Variants in NTRK3 observed in about 807,000 individuals in gnomAD.
NTRK3 encodes neurotrophic receptor tyrosine kinase 3, also known as NT-3 growth factor receptor.
In NTRK3, 24 loss-of-function variants were observed where a neutral mutation model predicts 91.7. The observed-to-expected ratio is 0.26, with a 90% CI of 0.19 to 0.37. The LOEUF is 0.37. Ranked by LOEUF, NTRK3 falls within the 10% of genes least tolerant of loss-of-function variation. NTRK3 has a pLI of 1.00. For synonymous variants in NTRK3, 483 were observed against 404.0 expected, an observed-to-expected ratio of 1.20 and a Z score of -2.34; for missense variants, 880 against 1,068.9, an observed-to-expected ratio of 0.82 and a Z score of 2.46.
At chr15:87,922,258 G>A (rs1175160387) in intron 17 of NTRK3, among the ~76,000 whole-genome samples, 2 of 152,194 alleles carry the variant, frequency 1.3e-5, no homozygotes, top group Non-Finnish European at 2.9e-5. Flanking sequence ...AGAACTCACT[G>A]GTCAAAAAGA....
At chr15:87,927,569 A>C (rs1043962853) in intron 17 of NTRK3, 2 of 152,096 alleles carry the variant, frequency 1.3e-5, no homozygotes, top group East Asian at 3.9e-4. Flanking sequence ...GTACCCCCCA[A>C]ATTCATATGT....
rs186894753 is a variant in NTRK3 at position 87,872,374 on chromosome 15, T to G, written c.*4561A>C. 3 of 224,854 alleles carry G rather than the reference T, an allele frequency of 1.3e-5. No homozygotes were observed. In the East Asian group the frequency reaches 1.9e-4, roughly 14 times the overall value. The allele number at this position is 224,854 out of a possible 1,614,324, so 13.9% of individuals were successfully genotyped here. Reference sequence around the variant, plus strand: ...AGTCATTCCTGAATAGAAAAGGACTTTGGTGAATAGTCTGCAACTTAAGAC... The same window carrying G: ...AGTCATTCCTGAATAGAAAAGGACTGTGGTGAATAGTCTGCAACTTAAGAC... On this transcript the variant is annotated 3_prime_UTR_variant, in exon 19 of 19. Coordinates refer to ENST00000394480, the Ensembl canonical transcript of NTRK3.
chr15:87,888,250 A>G (rs1423120404), intron 17 of NTRK3, among the ~76,000 whole-genome samples: 1 of 152,176 alleles, frequency 6.6e-6, no homozygotes, highest in Non-Finnish European at 1.5e-5. Context: ...TGCATTATTA[A>G]GACCGTTTCT....
At chr15:87,889,396 C>CTTTTTTTTTTTTTTTTTTT (rs568030482) in intron 17 of NTRK3, among the ~76,000 whole-genome samples, 2 of 95,630 alleles carry the variant, frequency 2.1e-5, no homozygotes, top group Admixed American at 1.3e-4. Flanking sequence ...TTATTAGTTC[C>CTTTTTTTTTTTTTTTTTTT]TTTTTTTTTT....
chr15:88,175,351 A>C (rs2045899060), intron 5 of NTRK3, among the ~76,000 whole-genome samples: 1 of 151,866 alleles, frequency 6.6e-6, no homozygotes, highest in African/African-American at 2.4e-5. Context: ...AGCATCTTCT[A>C]AGAAGGAACA....
chr15:88,019,377 C>T (rs1209367579), intron 14 of NTRK3, among the ~76,000 whole-genome samples: 1 of 152,224 alleles, frequency 6.6e-6, no homozygotes, highest in Non-Finnish European at 1.5e-5. Flanking sequence ...CTTCCTGTTT[C>T]TTGCTAACAG....
intron 14 of NTRK3, among the ~76,000 whole-genome samples, chr15:88,009,040 A>G (rs1402597445): frequency 6.6e-6 from 1 of 152,180 alleles, no homozygotes; most frequent in African/African-American, 2.4e-5. Flanking sequence ...GGGGACCTCT[A>G]GTTGAGAAGG....
exon 19 of NTRK3, chr15:87,870,892 G>C (rs983024648): frequency 7.4e-5 from 17 of 228,420 alleles, no homozygotes; most frequent in Middle Eastern, 2.6e-3. Flanking sequence ...CTATGAATGT[G>C]GGTCACGACA....
At chr15:88,149,533 C>T (rs571708727) in intron 5 of NTRK3, among the ~76,000 whole-genome samples, 1 of 152,342 alleles carries the variant, frequency 6.6e-6, no homozygotes, top group South Asian at 2.1e-4. Flanking sequence ...CCTAAGCCAT[C>T]CATCATGCTC....
exon 19 of NTRK3, chr15:87,873,517 G>T (rs1054724559): frequency 2.6e-5 from 6 of 231,706 alleles, no homozygotes; most frequent in Non-Finnish European, 4.3e-5. Context: ...GACCAGCCTG[G>T]GTGCCCTGGA....
intron 17 of NTRK3, among the ~76,000 whole-genome samples, chr15:87,912,617 AT>A (rs2067153045): frequency 6.8e-6 from 1 of 147,634 alleles, no homozygotes; most frequent in Non-Finnish European, 1.5e-5. Context: ...CTTGAGGGAC[AT>A]CTGCTCTCTC....
intron 14 of NTRK3, among the ~76,000 whole-genome samples, chr15:88,009,391 G>C (rs2076713311): frequency 6.6e-6 from 1 of 152,134 alleles, no homozygotes. Flanking sequence ...GAGAAAAGGA[G>C]ACTCTGGCAA....
intron 17 of NTRK3, chr15:87,885,734 A>G: frequency 7.6e-7 from 1 of 1,310,498 alleles, no homozygotes; most frequent in Non-Finnish European, 1.0e-6. Context: ...TGGATTAAAG[A>G]GCTAAACATA....
intron 17 of NTRK3, among the ~76,000 whole-genome samples, chr15:87,901,988 G>T (rs1029550375): frequency 9.2e-5 from 14 of 152,124 alleles, no homozygotes; most frequent in African/African-American, 3.1e-4. Flanking sequence ...AAATTGATAG[G>T]TTAGGGTGGC....
intron 13 of NTRK3, among the ~76,000 whole-genome samples, chr15:88,111,051 A>C (rs921779476): frequency 6.6e-6 from 1 of 152,166 alleles, no homozygotes; most frequent in African/African-American, 2.4e-5. Flanking sequence ...GGGCAAGAAG[A>C]CATGTCAAGA....
At chr15:87,964,351 G>C (rs1477556794) in intron 14 of NTRK3, among the ~76,000 whole-genome samples, 1 of 150,500 alleles carries the variant, frequency 6.6e-6, no homozygotes, top group Non-Finnish European at 1.5e-5. Flanking sequence ...CTTCAATAAA[G>C]TTTACATATA....
chr15:87,865,065 CA>C, exon 19 of NTRK3: 1 of 214,308 alleles, frequency 4.7e-6, no homozygotes. Flanking sequence ...CTGTATGAGG[CA>C]AAAGTTAAAG....
intron 14 of NTRK3, among the ~76,000 whole-genome samples, chr15:88,010,601 T>C (rs747218004): frequency 1.3e-5 from 2 of 152,218 alleles, no homozygotes; most frequent in Non-Finnish European, 2.9e-5. Context: ...TAACAGATTT[T>C]ATTCCTAAAA....
intron 3 of NTRK3, among the ~76,000 whole-genome samples, chr15:88,195,185 C>T (rs745418906): frequency 1.3e-5 from 2 of 152,130 alleles, no homozygotes; most frequent in African/African-American, 4.8e-5. Context: ...GAGAATTATC[C>T]ATTCCAAAAT....
Sources: allele counts gnomAD v4.1 joint callset (sites outside exome capture counted in the v4.1 genomes callset), GRCh38; gene constraint gnomAD v4.1.1; transcripts MANE v1.5; gene names NCBI Gene and HGNC (gene_info 2026-07-23, HGNC 2026-07-21).